Variants in TBC1D5 observed in about 807,000 individuals in gnomAD.
TBC1D5 encodes TBC1 domain family, member 5.
A neutral mutation model predicts 100.3 loss-of-function variants in TBC1D5; 75 were observed. The observed-to-expected ratio is 0.75, with a 90% CI of 0.62 to 0.91. TBC1D5 has a LOEUF of 0.91. Ranked by LOEUF, TBC1D5 falls within the 40% of genes least tolerant of loss-of-function variation. The pLI is 0.00. For missense variants in TBC1D5, 910 were observed against 942.4 expected, an observed-to-expected ratio of 0.97 and a Z score of 0.45; for synonymous variants, 323 against 325.6, an observed-to-expected ratio of 0.99 and a Z score of 0.09.
intron 13 of TBC1D5, among the ~76,000 whole-genome samples, chr3:17,352,986 A>T (rs1449684698): frequency 6.6e-6 from 1 of 152,122 alleles, no homozygotes; most frequent in Admixed American, 6.6e-5. Flanking sequence ...AAAGAAAAAA[A>T]AGAAATGCTT....
chr3:17,433,250 T>C (rs60019424), intron 3 of TBC1D5, among the ~76,000 whole-genome samples: 13,826 of 152,128 alleles, frequency 0.091, 1,404 homozygotes, highest in African/African-American at 0.25. Context: ...GAATAGAACA[T>C]ACAACAAGCC....
intron 15 of TBC1D5, among the ~76,000 whole-genome samples, chr3:17,261,718 T>C (rs575371342): frequency 1.3e-5 from 2 of 152,154 alleles, no homozygotes; most frequent in Non-Finnish European, 2.9e-5. Context: ...AGATGGGGTT[T>C]TGCCATGCTG....
intron 1 of TBC1D5, among the ~76,000 whole-genome samples, chr3:17,650,969 C>T (rs577082915): frequency 6.6e-6 from 1 of 152,122 alleles, no homozygotes; most frequent in Non-Finnish European, 1.5e-5. Flanking sequence ...ACTCCCAGTG[C>T]TATCAGGTCA....
At chr3:17,224,390 T>C (rs114682600) in intron 17 of TBC1D5, among the ~76,000 whole-genome samples, 1 of 152,178 alleles carries the variant, frequency 6.6e-6, no homozygotes, top group East Asian at 1.9e-4. Context: ...ACTTAAAAAG[T>C]AAAGAAAGAT....
Position 17,240,658 on chromosome 3 carries a change from T to C in TBC1D5, c.1332-2239A>G, listed in dbSNP as rs539335035. 5.3e-5 allele frequency among the ~76,000 whole-genome samples: 8 copies of C among 152,254 alleles called. No individual in the cohort carries two copies. The East Asian group carries it at 1.5e-3, about 29-fold the overall frequency. ...CTCAGCAGCCTGCATACATTCCCAT[T>C]TCCTGTGAGTGATAGTATAAAGAAA... On this transcript the variant is annotated intron_variant, in intron 16 of 21. Coordinates refer to ENST00000253692, the Ensembl canonical transcript of TBC1D5.
At chr3:17,504,690 T>C (rs2095825621) in intron 3 of TBC1D5, among the ~76,000 whole-genome samples, 1 of 152,136 alleles carries the variant, frequency 6.6e-6, no homozygotes, top group Non-Finnish European at 1.5e-5. Flanking sequence ...GTAAAAAGAC[T>C]TTTTCATCTC....
At chr3:17,481,385 C>A (rs917138916) in intron 3 of TBC1D5, among the ~76,000 whole-genome samples, 1 of 152,190 alleles carries the variant, frequency 6.6e-6, no homozygotes, top group Admixed American at 6.5e-5. Flanking sequence ...ACAAGTCCAG[C>A]AGGCACAAGC....
Position 17,549,930 on chromosome 3 carries a change from A to AAAT in TBC1D5, c.-35-41328_-35-41326dup, listed in dbSNP as rs538869359. The stretch of plus-strand genomic sequence containing the variant: ...GGGCAACACAATGAGACTCTGTCTA[A>AAAT]AATAATAATAATAATAATAATAGTA... On this transcript the variant is annotated intron_variant, in intron 2 of 21. Coordinates refer to ENST00000253692, the Ensembl canonical transcript of TBC1D5. 6.0e-3 allele frequency among the ~76,000 whole-genome samples: 903 copies of AAAT among 150,124 alleles called. 4 individuals carry two copies. The highest frequency in any genetic ancestry group is 0.015 in the African/African-American group (603 of 41,050).
chr3:17,598,359 AAAC>A (rs1228949260), intron 2 of TBC1D5, among the ~76,000 whole-genome samples: 1 of 152,252 alleles, frequency 6.6e-6, no homozygotes, highest in African/African-American at 2.4e-5. Flanking sequence ...ACTAAGATAA[AAAC>A]AAGATTTTTG....
chr3:17,538,114 G>A (rs2096302952), intron 2 of TBC1D5, among the ~76,000 whole-genome samples: 1 of 152,136 alleles, frequency 6.6e-6, no homozygotes, highest in Non-Finnish European at 1.5e-5. Flanking sequence ...GATATGGACA[G>A]GGCAGGAGAG....
intron 2 of TBC1D5, among the ~76,000 whole-genome samples, chr3:17,568,927 A>T (rs2153500080): frequency 6.6e-6 from 1 of 151,884 alleles, no homozygotes; most frequent in East Asian, 1.9e-4. Context: ...ATTTCAAAAA[A>T]GTCACGGATC....
chr3:17,183,837 G>A (rs2068722087), intron 19 of TBC1D5, among the ~76,000 whole-genome samples: 1 of 152,194 alleles, frequency 6.6e-6, no homozygotes, highest in African/African-American at 2.4e-5. Flanking sequence ...TGAAGGCAGA[G>A]AGTTTACCTC....
In TBC1D5 at chr3:17,251,427, C is replaced by CG. The variant is rs1491180943; in HGVS notation, c.1331+7078_1331+7079insC. On this transcript the variant is annotated intron_variant, in intron 16 of 21. Transcript: ENST00000253692. Reference sequence around the variant, plus strand: ...AGGGAATATATATACTCACGGGAACCCCCCCCCCCCCAGTAGAAGCGATTA... The same window carrying CG: ...AGGGAATATATATACTCACGGGAACCGCCCCCCCCCCCAGTAGAAGCGATTA... Among the ~76,000 whole-genome samples, 11 of 26,932 alleles carry CG rather than the reference C, an allele frequency of 4.1e-4. No individual in the cohort carries two copies. The South Asian group carries it at 0.013, about 31-fold the overall frequency. 17.7% of individuals were successfully genotyped at this position (26,932 alleles called of 152,430 possible). A position where few individuals can be genotyped will look rare whatever the true frequency, so the allele number is the denominator to read the frequency against.
At chr3:17,236,878 G>A (rs900414628) in intron 17 of TBC1D5, among the ~76,000 whole-genome samples, 1 of 152,058 alleles carries the variant, frequency 6.6e-6, no homozygotes, top group African/African-American at 2.4e-5. Context: ...TTAAATAGAA[G>A]AATAACATGA....
intron 13 of TBC1D5, among the ~76,000 whole-genome samples, chr3:17,337,167 C>G (rs2151302870): frequency 7.2e-6 from 1 of 139,786 alleles, no homozygotes; most frequent in East Asian, 2.1e-4. Flanking sequence ...GCCCTACCCA[C>G]AGAGTTTCTG....
At chr3:17,302,236 A>G (rs1362218285) in intron 14 of TBC1D5, among the ~76,000 whole-genome samples, 2 of 152,128 alleles carry the variant, frequency 1.3e-5, no homozygotes, top group Non-Finnish European at 2.9e-5. Flanking sequence ...CCTTGTAGAT[A>G]ATATCACTCC....
At chr3:17,603,328 T>TG (rs1266586422) in intron 2 of TBC1D5, among the ~76,000 whole-genome samples, 1 of 151,966 alleles carries the variant, frequency 6.6e-6, no homozygotes, top group Non-Finnish European at 1.5e-5. Context: ...AAGACCCCAC[T>TG]GGTAAAATGA....
chr3:17,588,616 T>C (rs1226812310), intron 2 of TBC1D5, among the ~76,000 whole-genome samples: 1 of 152,198 alleles, frequency 6.6e-6, no homozygotes, highest in Non-Finnish European at 1.5e-5. Context: ...ACCTCTTTTT[T>C]CTGCTGACTG....
intron 13 of TBC1D5, among the ~76,000 whole-genome samples, chr3:17,344,059 G>C (rs1575438428): frequency 6.6e-6 from 1 of 151,940 alleles, no homozygotes; most frequent in Non-Finnish European, 1.5e-5. Context: ...TGTGATGTTA[G>C]GGTGTCAATT....
Sources: allele counts gnomAD v4.1 joint callset (sites outside exome capture counted in the v4.1 genomes callset), GRCh38; gene constraint gnomAD v4.1.1; transcripts MANE v1.5; gene names NCBI Gene and HGNC (gene_info 2026-07-23, HGNC 2026-07-21).